CCDC66: variants seen among roughly 807,000 people sequenced by gnomAD.
CCDC66 encodes the protein coiled-coil domain-containing protein 66.
CCDC66 carries 133 observed loss-of-function variants against 128.3 expected under a neutral mutation model. That is an observed-to-expected ratio of 1.04 (90% CI 0.90 to 1.20). The LOEUF is 1.20. Ranked by LOEUF, CCDC66 falls within the 50% of genes most tolerant of loss-of-function variation. CCDC66 has a pLI of 0.00. For synonymous variants in CCDC66, 387 were observed against 357.0 expected (o/e 1.08, Z -0.95); for missense variants, 1,126 against 1,075.5 (o/e 1.05, Z -0.66).
At chr3:56,578,652 A>G (rs1023641873) in intron 7 of CCDC66, among the ~76,000 whole-genome samples, 1 of 151,892 alleles carries the variant, frequency 6.6e-6, no homozygotes, top group Non-Finnish European at 1.5e-5. Context: ...CCTTTTGTGC[A>G]ACTATTGAGA....
At chr3:56,607,603 C>T (rs1456339854) in intron 10 of CCDC66, among the ~76,000 whole-genome samples, 1 of 152,108 alleles carries the variant, frequency 6.6e-6, no homozygotes, top group Non-Finnish European at 1.5e-5. Context: ...GTTTGACTTC[C>T]TCTTTACTGA....
At position 56,571,267 on chromosome 3, in the gene CCDC66, A is replaced by G. The variant is rs556945544; in HGVS notation, c.901A>G (p.Ile301Val). ...GAAAAAATCTGAAAGTGATAAAATA[A>G]TATGGGAAAAACATCAAATTCTTGA... ...PWKKSESDKIIWEKHQILDQS... is the reference protein window; with the variant it reads ...PWKKSESDKIVWEKHQILDQS... Residue 301 changes from isoleucine to valine, a missense_variant, in exon 7 of 18, where the codon ATA becomes GTA. Physicochemically the swap from Ile to Val is conservative, Grantham distance 29. Transcript: ENST00000394672. 1.1e-4 allele frequency: 173 copies of G among 1,544,434 alleles called. No homozygotes were observed. Among genetic ancestry groups the G allele is most frequent in the Non-Finnish European group, 1.3e-4 (146 of 1,132,700 alleles).
At chr3:56,594,835 G>A (rs1404007265) in intron 10 of CCDC66, among the ~76,000 whole-genome samples, 1 of 152,196 alleles carries the variant, frequency 6.6e-6, no homozygotes, top group African/African-American at 2.4e-5. Context: ...CATCATTAAT[G>A]TTATGCTTAG....
chr3:56,620,122 C>A (rs1039251507), intron 17 of CCDC66: 2 of 312,230 alleles, frequency 6.4e-6, no homozygotes, highest in Non-Finnish European at 1.2e-5. Context: ...ACGAAATCAT[C>A]AGACAGTTCT....
In CCDC66 at chr3:56,615,240, A is replaced by G; in HGVS notation, c.1679A>G (p.His560Arg). ...ATCCGAGAATTGGCGCAAAAGGGAC[A>G]TGACACTTCTAGACTGATTAAAAAT... ...QRIRELAQKGHDTSRLIKNLG... is the reference protein window; with the variant it reads ...QRIRELAQKGRDTSRLIKNLG... Residue 560 changes from histidine (H) to arginine (R), a missense_variant, in exon 12 of 18, where the codon CAT becomes CGT. By Grantham distance (29) the His-to-Arg change is conservative. Coordinates refer to ENST00000394672, the MANE Select transcript of CCDC66 (RefSeq NM_001141947.3). 3 of 1,614,178 alleles carry G rather than the reference A, an allele frequency of 1.9e-6. No individual in the cohort carries two copies. Among genetic ancestry groups the G allele is most frequent in the South Asian group, 2.2e-5 (2 of 91,080 alleles).
In CCDC66 at chr3:56,571,207, G is replaced by GA. The variant is rs1231793819; in HGVS notation, c.846dup (p.Glu283ArgfsTer4). ...TGAACAGGTTGCTTTAAAGAAGAAA[G>GA]AAAAAGAAGTTTCTGAAAAATGGAA... On this transcript the variant is annotated frameshift_variant, in exon 7 of 18. Transcript: ENST00000394672. LOFTEE classifies it high-confidence loss of function. 2 of 1,529,890 alleles carry GA rather than the reference G, an allele frequency of 1.3e-6. No individual in the cohort carries two copies. Among genetic ancestry groups the GA allele is most frequent in the East Asian group, 4.5e-5 (2 of 44,046 alleles). The allele number at this position is 1,529,890 out of a possible 1,614,324, so 94.8% of individuals were successfully genotyped here.
At chr3:56,584,026 C>A (rs1363639279) in intron 7 of CCDC66, among the ~76,000 whole-genome samples, 11 of 133,554 alleles carry the variant, frequency 8.2e-5, no homozygotes, top group African/African-American at 3.1e-4. Flanking sequence ...GGCTGCCCCC[C>A]ACCTCCCTCC....
At chr3:56,562,797 C>G (rs1173337481) in intron 3 of CCDC66, among the ~76,000 whole-genome samples, 1 of 151,284 alleles carries the variant, frequency 6.6e-6, no homozygotes, top group African/African-American at 2.4e-5. Context: ...CACCACCACG[C>G]CCAGCTAATT....
chr3:56,603,983 A>G (rs899476675), intron 10 of CCDC66, among the ~76,000 whole-genome samples: 2 of 151,822 alleles, frequency 1.3e-5, no homozygotes, highest in African/African-American at 4.8e-5. Context: ...TTTTGGGTAC[A>G]TATATATTTA....
At position 56,593,081 on chromosome 3, in the gene CCDC66, G is replaced by GA. The variant is rs1411911409; in HGVS notation, c.1054dup (p.Ile352AsnfsTer7). On this transcript the variant is annotated frameshift_variant, in exon 8 of 18. Coordinates refer to ENST00000394672, the MANE Select transcript of CCDC66 (RefSeq NM_001141947.3). LOFTEE classifies it high-confidence loss of function. Reference sequence around the variant, plus strand: ...AGATGACCGTCAAAGAAAAATAGAGGAAAAAATTATATATTCAAAGGTAAC... The same window carrying GA: ...AGATGACCGTCAAAGAAAAATAGAGGAAAAAAATTATATATTCAAAGGTAAC... 3.8e-6 allele frequency: 6 copies of GA among 1,595,784 alleles called. No homozygotes were observed. In the African/African-American group the frequency reaches 5.4e-5, roughly 14 times the overall value.
intron 13 of CCDC66, chr3:56,616,770 C>T: frequency 5.0e-6 from 1 of 201,634 alleles, no homozygotes; most frequent in Non-Finnish European, 9.9e-6. Context: ...ACCATCAGTG[C>T]ATGTGGGTTC....
intron 1 of CCDC66, 161 bp from the exon 2 acceptor site, chr3:56,558,685 G>T: frequency 1.5e-6 from 1 of 657,734 alleles, no homozygotes; most frequent in Non-Finnish European, 2.7e-6. Flanking sequence ...TTTTATCTTG[G>T]ATTGCAAACG....
At chr3:56,566,859 G>T in intron 5 of CCDC66, 91 bp from the exon 6 acceptor site, 6 of 1,468,420 alleles carry the variant, frequency 4.1e-6, no homozygotes, top group Non-Finnish European at 5.6e-6. Flanking sequence ...AATACTTAGA[G>T]CTATTTAAAA....
At chr3:56,602,644 C>T (rs781323493) in intron 10 of CCDC66, among the ~76,000 whole-genome samples, 106 of 151,962 alleles carry the variant, frequency 7.0e-4, no homozygotes, top group South Asian at 1.5e-3. Context: ...ATTATTGCCT[C>T]AATTTCAGAC....
At chr3:56,616,393 T>G (rs980400461) in intron 13 of CCDC66, 1 of 254,128 alleles carries the variant, frequency 3.9e-6, no homozygotes, top group African/African-American at 2.4e-5. Context: ...TTGCCTGTTG[T>G]GGACATTTCA....
intron 7 of CCDC66, chr3:56,572,965 A>G (rs2066843818): frequency 6.6e-6 from 1 of 152,212 alleles, no homozygotes; most frequent in Non-Finnish European, 1.5e-5. Flanking sequence ...AAAGTTTAGA[A>G]GTTGTATGCA....
intron 14 of CCDC66, 199 bp downstream of exon 14, chr3:56,617,804 G>A (rs2075709254): frequency 3.2e-6 from 2 of 625,484 alleles, no homozygotes; most frequent in Non-Finnish European, 5.4e-6. Flanking sequence ...ATTCTTTTAT[G>A]AATTGTCTGT....
rs2075342717 is a variant in CCDC66, at chr3:56,615,266, C to A, written c.1705C>A (p.Leu569Ile). The A allele has an allele frequency of 1.2e-6, 2 of 1,610,272 alleles. No homozygotes were observed. The highest frequency in any genetic ancestry group is 2.2e-5 in the East Asian group (1 of 44,794). Residue 569 changes from leucine (L) to isoleucine (I), a missense_variant, in exon 12 of 18, where the codon CTT (leucine) becomes ATT (isoleucine). By Grantham distance (5) the Leu-to-Ile change is conservative (BLOSUM62 2). Transcript: ENST00000394672. ...GHDTSRLIKNLGVDTIQMEYN... is the reference protein window; with the variant it reads ...GHDTSRLIKNIGVDTIQMEYN... ...TGACACTTCTAGACTGATTAAAAAT[C>A]TTGGTGGTAAGGGCCTAACCAGAAC...
chr3:56,592,110 A>G (rs1344477239), intron 7 of CCDC66, among the ~76,000 whole-genome samples: 2 of 152,144 alleles, frequency 1.3e-5, no homozygotes, highest in Admixed American at 6.5e-5. Flanking sequence ...TGGACACAGT[A>G]TATTTTTGTT....
Sources: gnomAD v4.1 joint callset for allele counts (sites outside exome capture counted in the v4.1 genomes callset) on GRCh38, gnomAD v4.1.1 for gene constraint, MANE v1.5 for transcripts, NCBI Gene and HGNC (gene_info 2026-07-23, HGNC 2026-07-21) for gene names.